The following TBX15 variants were observed in gnomAD, a reference collection of about 807,000 sequenced individuals.
TBX15 encodes T-box transcription factor TBX15.
Under a neutral mutation model 53.9 loss-of-function variants are expected in TBX15, and 18 were observed. The observed-to-expected ratio is 0.33, with a 90% confidence interval of 0.23 to 0.49. The LOEUF is 0.49. Among genes scored for constraint, TBX15 ranks in the 20% least tolerant of loss-of-function variants. The pLI, the probability that TBX15 is intolerant of heterozygous loss-of-function variation, is 0.98. For missense variants in TBX15, 692 were observed against 749.5 expected, an observed-to-expected ratio of 0.92 and a Z score of 0.90; for synonymous variants, 295 against 278.0, an observed-to-expected ratio of 1.06 and a Z score of -0.61.
chr1:118,932,275 T>C (rs1242646136), intron 1 of TBX15, among the ~76,000 whole-genome samples: 3 of 152,214 alleles, frequency 2.0e-5, no homozygotes, highest in Non-Finnish European at 4.4e-5. Context: ...AACATTATGT[T>C]CTTCAATTCC....
At chr1:118,891,274 G>A (rs1021454377) in intron 7 of TBX15, among the ~76,000 whole-genome samples, 1 of 152,078 alleles carries the variant, frequency 6.6e-6, no homozygotes, top group African/African-American at 2.4e-5. Context: ...TTGCACATTG[G>A]TACTCTGTGC....
At chr1:118,907,087 C>T (rs1163833656) in intron 6 of TBX15, among the ~76,000 whole-genome samples, 4 of 152,164 alleles carry the variant, frequency 2.6e-5, no homozygotes, top group Non-Finnish European at 4.4e-5. Flanking sequence ...AAAGTTGTAC[C>T]AATTCCCTGG....
chr1:118,885,091 C>A lies in TBX15; in HGVS notation c.1450G>T (p.Gly484Cys). Residue 484 changes from glycine (G) to cysteine (C), a missense_variant, in exon 8 of 8, where the codon GGC (glycine) becomes TGC (cysteine). Transcript: ENST00000369429. ...GATGAGGAGCTGGAGGCAGCATTGC[C>A]TGCCTGCATGACATACTGAAACTGG... Reference protein sequence around the residue: ...TSQFQYVMQAGNAASSSSSPH... With the variant: ...TSQFQYVMQACNAASSSSSPH... 6.2e-7 allele frequency: 1 copy of A among 1,614,198 alleles called. No homozygotes were observed.
chr1:118,942,674 CTTTCAGGGGTT>C (rs1656220407), intron 1 of TBX15, among the ~76,000 whole-genome samples: 1 of 152,178 alleles, frequency 6.6e-6, no homozygotes, highest in African/African-American at 2.4e-5. Flanking sequence ...GACCCGAAAT[CTTTCAGGGGTT>C]TCAACTGAGT....
chr1:118,943,437 C>G (rs1010289653), intron 1 of TBX15, among the ~76,000 whole-genome samples: 1 of 152,124 alleles, frequency 6.6e-6, no homozygotes, highest in African/African-American at 2.4e-5. Context: ...GTAAGGAAGC[C>G]TGCTTTTGAG....
intron 6 of TBX15, among the ~76,000 whole-genome samples, chr1:118,903,906 C>T (rs1407882965): frequency 4.6e-5 from 7 of 152,160 alleles, no homozygotes; most frequent in African/African-American, 2.4e-5. Context: ...GCAAGAATCA[C>T]TTAATATACC....
chr1:118,893,075 C>A (rs1399218896), intron 7 of TBX15, among the ~76,000 whole-genome samples: 1 of 151,532 alleles, frequency 6.6e-6, no homozygotes, highest in East Asian at 1.9e-4. Flanking sequence ...CACGTCTCTA[C>A]AAAAAATACA....
intron 6 of TBX15, among the ~76,000 whole-genome samples, chr1:118,913,104 G>A (rs1474682922): frequency 6.6e-6 from 1 of 152,078 alleles, no homozygotes; most frequent in African/African-American, 2.4e-5. Context: ...TTAATATAAT[G>A]TACTGCACAT....
At chr1:118,985,232 T>G (rs1236959540) in intron 1 of TBX15, among the ~76,000 whole-genome samples, 2 of 152,040 alleles carry the variant, frequency 1.3e-5, no homozygotes, top group African/African-American at 4.8e-5. Context: ...ACAAAAGAGT[T>G]AAAACAATGA....
intron 1 of TBX15, among the ~76,000 whole-genome samples, chr1:118,984,769 C>G (rs936149424): frequency 3.3e-5 from 5 of 152,168 alleles, no homozygotes; most frequent in African/African-American, 1.2e-4. Context: ...CCACCAGGCT[C>G]GGTGGAATTT....
intron 7 of TBX15, among the ~76,000 whole-genome samples, chr1:118,893,485 G>GAAAGAAAGAAAGAAA (rs1553218199): frequency 4.2e-5 from 3 of 72,080 alleles, no homozygotes; most frequent in South Asian, 5.4e-4. Flanking sequence ...AAGGAAGGAA[G>GAAAGAAAGAAAGAAA]GAAAGAAAGA....
intron 6 of TBX15, among the ~76,000 whole-genome samples, chr1:118,906,843 A>C (rs1040862191): frequency 2.6e-5 from 4 of 152,202 alleles, no homozygotes; most frequent in African/African-American, 9.6e-5. Context: ...TGCTGGCTGC[A>C]AACACTCCAA....
At chr1:118,932,836 G>A (rs1186213318) in intron 1 of TBX15, among the ~76,000 whole-genome samples, 1 of 152,188 alleles carries the variant, frequency 6.6e-6, no homozygotes, top group East Asian at 1.9e-4. Flanking sequence ...TTCAAATTCA[G>A]ATTATCTAGT....
intron 6 of TBX15, among the ~76,000 whole-genome samples, chr1:118,910,312 G>A (rs1432081701): frequency 6.6e-6 from 1 of 152,158 alleles, no homozygotes; most frequent in Non-Finnish European, 1.5e-5. Flanking sequence ...GTATGTTTTG[G>A]GTACATTTAC....
intron 1 of TBX15, among the ~76,000 whole-genome samples, chr1:118,937,632 C>T (rs536888941): frequency 2.6e-5 from 4 of 152,288 alleles, no homozygotes; most frequent in Admixed American, 1.3e-4. Flanking sequence ...AGATTAGATG[C>T]ACAGTGTTAC....
intron 1 of TBX15, among the ~76,000 whole-genome samples, chr1:118,953,463 C>G (rs576336850): frequency 2.6e-5 from 4 of 152,276 alleles, no homozygotes; most frequent in Non-Finnish European, 5.9e-5. Context: ...TCCTCAGAGC[C>G]TCACTCCAAT....
intron 1 of TBX15, among the ~76,000 whole-genome samples, chr1:118,954,934 C>A (rs548157187): frequency 1.3e-5 from 2 of 152,146 alleles, no homozygotes; most frequent in South Asian, 2.1e-4. Context: ...GTCCCAAGCA[C>A]CTCCTTGGCT....
chr1:118,932,231 A>T (rs1655817075), intron 1 of TBX15, among the ~76,000 whole-genome samples: 1 of 152,214 alleles, frequency 6.6e-6, no homozygotes, highest in Admixed American at 6.5e-5. Context: ...CCTAGATTAG[A>T]CTATTACATT....
intron 2 of TBX15, among the ~76,000 whole-genome samples, chr1:118,928,228 C>T (rs1375768276): frequency 1.3e-5 from 2 of 152,172 alleles, no homozygotes; most frequent in African/African-American, 4.8e-5. Flanking sequence ...GGATCACAGT[C>T]CTTTAATAGA....
Sources: gnomAD v4.1 joint callset for allele counts (sites outside exome capture counted in the v4.1 genomes callset) on GRCh38, gnomAD v4.1.1 for gene constraint, MANE v1.5 for transcripts, NCBI Gene and HGNC (gene_info 2026-07-23, HGNC 2026-07-21) for gene names.